LRP5: variants seen among roughly 807,000 people sequenced by gnomAD.
LRP5 encodes the protein low-density lipoprotein receptor-related protein 5.
A neutral mutation model predicts 154.1 loss-of-function variants in LRP5; 62 were observed. The ratio of observed to expected loss-of-function variants is 0.40; its 90% CI spans 0.33 to 0.50. The LOEUF is 0.50. Ranked by LOEUF, LRP5 falls within the 20% of genes least tolerant of loss-of-function variation. The pLI is 0.55. For synonymous variants in LRP5, 966 were observed against 1,011.5 expected (o/e 0.96, Z 0.85); for missense variants, 1,915 against 2,336.7 (o/e 0.82, Z 3.72).
Position 68,438,642 on chromosome 11 carries a change from T to C in LRP5, c.4308T>C (p.Asn1436=). ...YVSGTPHVPL[N]FIAPGGSQHG... The stretch of plus-strand genomic sequence containing the variant: ...GCGGGACCCCGCACGTGCCCCTCAA[T>C]TTCATAGCCCCGGGCGGTTCCCAGC... Residue 1436 remains asparagine, a synonymous_variant, in exon 20 of 23, where the codon AAT becomes AAC. Coordinates refer to ENST00000294304, the MANE Select transcript of LRP5 (RefSeq NM_002335.4). The C allele has an allele frequency of 1.2e-6, 2 of 1,613,566 alleles. No homozygotes were observed. Among genetic ancestry groups the C allele is most frequent in the Non-Finnish European group, 1.7e-6 (2 of 1,179,974 alleles).
At chr11:68,391,085 C>T (rs964205582) in intron 7 of LRP5, among the ~76,000 whole-genome samples, 3 of 152,232 alleles carry the variant, frequency 2.0e-5, no homozygotes, top group African/African-American at 7.2e-5. Context: ...TCTCCTGCCT[C>T]AGCCTCCCAC....
chr11:68,382,294 G>A (rs1183658888), intron 5 of LRP5, among the ~76,000 whole-genome samples: 2 of 152,188 alleles, frequency 1.3e-5, no homozygotes, highest in Non-Finnish European at 2.9e-5. Context: ...TTACCAGAGG[G>A]CTAGGGCTGG....
intron 9 of LRP5, among the ~76,000 whole-genome samples, chr11:68,409,389 T>A: frequency 6.8e-6 from 1 of 147,902 alleles, no homozygotes. Flanking sequence ...ACATTTATAT[T>A]ATTTTATATA....
chr11:68,362,282 G>T (rs1256281818), intron 3 of LRP5, among the ~76,000 whole-genome samples: 1 of 152,204 alleles, frequency 6.6e-6, no homozygotes, highest in Non-Finnish European at 1.5e-5. Context: ...AGTGACTGCT[G>T]CCGGGTGTGG....
intron 2 of LRP5, among the ~76,000 whole-genome samples, chr11:68,353,000 G>A (rs573300847): frequency 6.6e-6 from 1 of 152,204 alleles, no homozygotes; most frequent in Non-Finnish European, 1.5e-5. Flanking sequence ...GAGGTGCTTG[G>A]CATTTGGTTG....
chr11:68,323,749 A>G (rs2098598077), intron 1 of LRP5, among the ~76,000 whole-genome samples: 1 of 152,174 alleles, frequency 6.6e-6, no homozygotes, highest in South Asian at 2.1e-4. Flanking sequence ...AAAACTATAG[A>G]GTAGGTGACT....
intron 1 of LRP5, among the ~76,000 whole-genome samples, chr11:68,326,628 C>A (rs114938465): frequency 0.03 from 4,580 of 152,362 alleles, 212 homozygotes; most frequent in African/African-American, 0.1. Flanking sequence ...CAGATGGGGC[C>A]TCTGAAGTGG....
chr11:68,402,763 T>C (rs1406859955), intron 7 of LRP5, among the ~76,000 whole-genome samples: 1 of 152,226 alleles, frequency 6.6e-6, no homozygotes, highest in Non-Finnish European at 1.5e-5. Flanking sequence ...GACTCCTTCC[T>C]GCGGAGCACG....
intron 5 of LRP5, among the ~76,000 whole-genome samples, chr11:68,366,929 C>G (rs1222787887): frequency 1.4e-5 from 2 of 146,364 alleles, no homozygotes; most frequent in Non-Finnish European, 3.0e-5. Context: ...TGGCATTGCT[C>G]CGAGGCACTG....
chr11:68,388,852 G>A lies in LRP5; in HGVS notation c.1413-1029G>A, dbSNP rs115754388. 3.9e-3 allele frequency among the ~76,000 whole-genome samples: 593 copies of A among 152,306 alleles called. 9 individuals are homozygous for A. The highest frequency in any genetic ancestry group is 0.013 in the African/African-American group (554 of 41,566). On this transcript the variant is annotated intron_variant, in intron 6 of 22. Transcript: ENST00000294304. ...AAGTGGGCATCCCTGTCCCAGGGGA[G>A]CCCCCAGGGACTCTGGTCACTGGGC...
chr11:68,334,603 G>A (rs767477341), intron 1 of LRP5, among the ~76,000 whole-genome samples: 14 of 152,132 alleles, frequency 9.2e-5, no homozygotes, highest in Admixed American at 2.6e-4. Flanking sequence ...GGCTAGGCAC[G>A]GCAGCTCATG....
intron 5 of LRP5, among the ~76,000 whole-genome samples, chr11:68,378,383 TC>T (rs1292555291): frequency 5.9e-5 from 9 of 152,112 alleles, no homozygotes; most frequent in Non-Finnish European, 1.3e-4. Context: ...CTTTCATTCT[TC>T]CTGTCAACAC....
chr11:68,425,299 G>C lies in LRP5; in HGVS notation c.3427+7G>C. 1 of 1,601,648 alleles carries C rather than the reference G, an allele frequency of 6.2e-7. No homozygotes were observed. The highest frequency in any genetic ancestry group is 8.5e-7 in the Non-Finnish European group (1 of 1,178,542). On this transcript the variant is annotated splice_region_variant and intron_variant, in intron 15 of 22. Transcript: ENST00000294304. ...GAGAGCTGTGACCTGTCAGGTACGC[G>C]CCCCGGGGCCTGCCCTAACCGCAGA...
Position 68,449,131 on chromosome 11 carries a change from GAA to G in LRP5, c.*67_*68del. The G allele has an allele frequency of 8.4e-7, 1 of 1,183,440 alleles. No individual in the cohort carries two copies. Among genetic ancestry groups the G allele is most frequent in the South Asian group, 1.8e-5 (1 of 54,204 alleles). The allele number at this position is 1,183,440 out of a possible 1,614,324, so 73.3% of individuals were successfully genotyped here. A position where few individuals can be genotyped will look rare whatever the true frequency, so the allele number is the denominator to read the frequency against. On this transcript the variant is annotated 3_prime_UTR_variant, in exon 23 of 23. Coordinates refer to ENST00000294304, the MANE Select transcript of LRP5 (RefSeq NM_002335.4). Reference sequence around the variant, plus strand: ...GTAAATAGTTTTAAATATGAACAAAGAAAAAAATATATTTTATGATTTAAAAA... The same window carrying G: ...GTAAATAGTTTTAAATATGAACAAAGAAAAATATATTTTATGATTTAAAAA...
At chr11:68,304,939 A>G in the LRP5 span, among the ~76,000 whole-genome samples, 8 of 152,158 alleles carry the variant, frequency 5.3e-5, no homozygotes. Flanking sequence ...TCATCTTCAG[A>G]TGAGACGTTG....
chr11:68,368,064 CAA>C lies in LRP5; in HGVS notation c.1015+2380_1015+2381del, dbSNP rs35969123. On this transcript the variant is annotated intron_variant, in intron 5 of 22. Coordinates refer to ENST00000294304, the MANE Select transcript of LRP5 (RefSeq NM_002335.4). The stretch of plus-strand genomic sequence containing the variant: ...TGGGCAACAGAGTGAGACCCTGTCT[CAA>C]AAAAAAAAAAAAAAAAATGCAGCTC... Among the ~76,000 whole-genome samples, 857 of 94,574 alleles carry C rather than the reference CAA, an allele frequency of 9.1e-3. 5 individuals are homozygous for C. The highest frequency in any genetic ancestry group is 0.016 in the Admixed American group (137 of 8,604). 62.0% of individuals were successfully genotyped at this position (94,574 alleles called of 152,430 possible). A position where few individuals can be genotyped will look rare whatever the true frequency, so the allele number is the denominator to read the frequency against.
At chr11:68,431,654 A>G (rs1036465489) in intron 17 of LRP5, among the ~76,000 whole-genome samples, 1 of 152,178 alleles carries the variant, frequency 6.6e-6, no homozygotes, top group African/African-American at 2.4e-5. Context: ...CCGTAAGCAG[A>G]GGGGACATTT....
In LRP5 at chr11:68,357,782, GA is replaced by G; in HGVS notation, c.623del (p.Lys208SerfsTer30). On this transcript the variant is annotated frameshift_variant, in exon 3 of 23. Coordinates refer to ENST00000294304, the MANE Select transcript of LRP5 (RefSeq NM_002335.4). LOFTEE classifies it high-confidence loss of function. Reference protein sequence around the residue: ...NGLTIDLEEQKLYWADAKLSF... With the variant: ...NGLTIDLEEQXLYWADAKLSF... Reference sequence around the variant, plus strand: ...GACTGACCATCGACCTGGAGGAGCAGAAGCTCTACTGGGCTGACGCCAAGCT... The same window carrying G: ...GACTGACCATCGACCTGGAGGAGCAGAGCTCTACTGGGCTGACGCCAAGCT... 1 of 1,614,144 alleles carries G rather than the reference GA, an allele frequency of 6.2e-7. No individual in the cohort carries two copies.
chr11:68,317,332 T>C (rs2098593996), intron 1 of LRP5, among the ~76,000 whole-genome samples: 1 of 152,256 alleles, frequency 6.6e-6, no homozygotes, highest in Non-Finnish European at 1.5e-5. Flanking sequence ...CAAAAGCTCC[T>C]GCCCTGGGGC....
Sources: gnomAD v4.1 joint callset for allele counts (sites outside exome capture counted in the v4.1 genomes callset) on GRCh38, gnomAD v4.1.1 for gene constraint, MANE v1.5 for transcripts, NCBI Gene and HGNC (gene_info 2026-07-23, HGNC 2026-07-21) for gene names.